Variants in ZNRF2 observed in about 807,000 individuals in gnomAD.
ZNRF2 encodes the protein zinc and ring finger 2.
In ZNRF2, 16 loss-of-function variants were observed where a neutral mutation model predicts 20.4. The ratio of observed to expected loss-of-function variants is 0.79; its 90% confidence interval spans 0.53 to 1.19. The LOEUF (loss-of-function observed/expected upper bound fraction) is 1.19, where lower values mean the gene tolerates loss of function less well. Among genes scored for constraint, ZNRF2 ranks in the 50% most tolerant of loss-of-function variants. The pLI, the probability that ZNRF2 is intolerant of heterozygous loss-of-function variation, is 0.00. For missense variants in ZNRF2, 363 were observed against 332.4 expected (o/e 1.09, Z -0.72); for synonymous variants, 178 against 144.9 (o/e 1.23, Z -1.64).
At chr7:30,291,149 G>T (rs13311035) in intron 1 of ZNRF2, among the ~76,000 whole-genome samples, 4 of 152,340 alleles carry the variant, frequency 2.6e-5, no homozygotes, top group South Asian at 2.1e-4. Context: ...CCACAAAAGT[G>T]TGGGTTTTGA....
chr7:30,288,377 A>G (rs1798835242), intron 1 of ZNRF2, among the ~76,000 whole-genome samples: 1 of 152,224 alleles, frequency 6.6e-6, no homozygotes, highest in Admixed American at 6.5e-5. Flanking sequence ...TCTCCTAATA[A>G]GAAAATGTGG....
At chr7:30,340,016 G>A (rs992950320) in intron 2 of ZNRF2, among the ~76,000 whole-genome samples, 2 of 152,052 alleles carry the variant, frequency 1.3e-5, no homozygotes, top group Non-Finnish European at 2.9e-5. Flanking sequence ...TATTCTCTTT[G>A]TAGCAATTCT....
At chr7:30,341,127 CTCT>C (rs1252027800) in intron 2 of ZNRF2, among the ~76,000 whole-genome samples, 1 of 151,364 alleles carries the variant, frequency 6.6e-6, no homozygotes, top group Non-Finnish European at 1.5e-5. Flanking sequence ...TGATTATTCT[CTCT>C]TCTTTGTCTG....
chr7:30,302,274 C>T lies in ZNRF2; in HGVS notation c.469+16448C>T, dbSNP rs1347005927. Among the ~76,000 whole-genome samples, 8 of 152,128 alleles carry T rather than the reference C, an allele frequency of 5.3e-5. No individual in the cohort carries two copies. The East Asian group carries it at 7.7e-4, about 15-fold the overall frequency. ...TGGCTTAAATGTTCTTTTGTATTTT[C>T]GCTGGCTTAAAATTGAGCATAGAGG... On this transcript the variant is annotated intron_variant, in intron 1 of 4. Coordinates refer to ENST00000323037, the MANE Select transcript of ZNRF2 (RefSeq NM_147128.4).
chr7:30,343,977 T>A (rs1262248957), intron 2 of ZNRF2, among the ~76,000 whole-genome samples: 1 of 147,078 alleles, frequency 6.8e-6, no homozygotes, highest in East Asian at 2.0e-4. Flanking sequence ...TGGAGTGCAG[T>A]GGCGCGATCT....
intron 2 of ZNRF2, among the ~76,000 whole-genome samples, chr7:30,340,794 T>C (rs1799782006): frequency 6.6e-6 from 1 of 152,194 alleles, no homozygotes; most frequent in African/African-American, 2.4e-5. Flanking sequence ...TTCTATTGTT[T>C]GGAATAGTTT....
rs541060314 is a variant in ZNRF2 at position 30,361,630 on chromosome 7, C to G, written c.672-747C>G. On this transcript the variant is annotated intron_variant, in intron 3 of 4. Transcript: ENST00000323037. ...AACTTTCTACCATAATGGAAATGTTCTATATCTATGCTGTCCCCTAGAGTA... is the reference window on the plus strand; with the variant it reads ...AACTTTCTACCATAATGGAAATGTTGTATATCTATGCTGTCCCCTAGAGTA... Among the ~76,000 whole-genome samples, 146 of 152,286 alleles carry G rather than the reference C, an allele frequency of 9.6e-4. No individual in the cohort carries two copies. The South Asian group carries it at 0.014, about 15-fold the overall frequency.
chr7:30,354,160 A>G lies in ZNRF2; in HGVS notation c.566-1568A>G, dbSNP rs114648883. Among the ~76,000 whole-genome samples the G allele has an allele frequency of 9.4e-3, 1,426 of 150,956 alleles. 14 individuals are homozygous for G. The highest frequency in any genetic ancestry group is 0.033 in the African/African-American group (1,360 of 41,184). ...TGGGTAGGATCTCTAGGGCCAAGAG[A>G]AAAAAAAATGGGGAAAGGGAGGGCA... On this transcript the variant is annotated intron_variant, in intron 2 of 4. Coordinates refer to ENST00000323037, the MANE Select transcript of ZNRF2 (RefSeq NM_147128.4).
intron 2 of ZNRF2, among the ~76,000 whole-genome samples, chr7:30,335,751 CT>C (rs1562616405): frequency 6.6e-6 from 1 of 152,172 alleles, no homozygotes; most frequent in African/African-American, 2.4e-5. Context: ...TGATGAAATT[CT>C]TTTATGAACT....
intron 2 of ZNRF2, among the ~76,000 whole-genome samples, chr7:30,353,975 A>G (rs1272098822): frequency 2.6e-5 from 4 of 152,108 alleles, no homozygotes; most frequent in Admixed American, 6.6e-5. Flanking sequence ...TGTCTCCTTT[A>G]GATCCTTTTT....
At chr7:30,290,906 A>G (rs1184419390) in intron 1 of ZNRF2, among the ~76,000 whole-genome samples, 2 of 152,248 alleles carry the variant, frequency 1.3e-5, no homozygotes, top group Non-Finnish European at 2.9e-5. Context: ...TGAGGGTACA[A>G]ATATGGAGCT....
At chr7:30,303,074 A>G (rs1393179901) in intron 1 of ZNRF2, among the ~76,000 whole-genome samples, 1 of 152,128 alleles carries the variant, frequency 6.6e-6, no homozygotes, top group East Asian at 1.9e-4. Context: ...TGACCCCAGG[A>G]GTTCGAAACC....
chr7:30,359,533 C>T (rs572131225), intron 3 of ZNRF2, among the ~76,000 whole-genome samples: 18 of 150,184 alleles, frequency 1.2e-4, no homozygotes, highest in African/African-American at 3.8e-4. Flanking sequence ...TGTTCTGCTT[C>T]ATCAGATAAC....
At chr7:30,364,622 CTTATGT>C (rs1800180970) in intron 4 of ZNRF2, among the ~76,000 whole-genome samples, 2 of 152,042 alleles carry the variant, frequency 1.3e-5, no homozygotes, top group Non-Finnish European at 2.9e-5. Flanking sequence ...TCATTGTCAC[CTTATGT>C]TTGAGACAAA....
chr7:30,344,084 G>A (rs895873658), intron 2 of ZNRF2, among the ~76,000 whole-genome samples: 1 of 151,384 alleles, frequency 6.6e-6, no homozygotes, highest in Non-Finnish European at 1.5e-5. Context: ...CATACACCCA[G>A]CTAATTTTTG....
intron 2 of ZNRF2, among the ~76,000 whole-genome samples, chr7:30,355,392 C>A (rs1800020539): frequency 6.6e-6 from 1 of 151,960 alleles, no homozygotes; most frequent in Admixed American, 6.6e-5. Context: ...CTTGGTCACA[C>A]TAAAGGAAAA....
chr7:30,362,342 A>C (rs1800139323), intron 3 of ZNRF2, 35 bp from the exon 4 acceptor site: 5 of 1,454,242 alleles, frequency 3.4e-6, no homozygotes, highest in Non-Finnish European at 4.7e-6. Context: ...AATTAGTATA[A>C]GTATCTCAAT....
chr7:30,343,165 G>A (rs572456913), intron 2 of ZNRF2, among the ~76,000 whole-genome samples: 106 of 152,066 alleles, frequency 7.0e-4, no homozygotes, highest in African/African-American at 2.5e-3. Flanking sequence ...AAATAGGAAA[G>A]TCAACCAAGC....
At chr7:30,364,325 T>C (rs907617219) in intron 4 of ZNRF2, among the ~76,000 whole-genome samples, 2 of 152,218 alleles carry the variant, frequency 1.3e-5, no homozygotes, top group African/African-American at 2.4e-5. Context: ...CTGCCAATTT[T>C]AACCTTTCCT....
Sources: allele counts gnomAD v4.1 joint callset (sites outside exome capture counted in the v4.1 genomes callset), GRCh38; gene constraint gnomAD v4.1.1; transcripts MANE v1.5; gene names NCBI Gene and HGNC (gene_info 2026-07-23, HGNC 2026-07-21).